The following AUTS2 variants were observed in gnomAD, a reference collection of about 807,000 sequenced individuals.
AUTS2 encodes activator of transcription and developmental regulator AUTS2, also known as autism susceptibility gene 2 protein.
In AUTS2, 17 loss-of-function variants were observed where a neutral mutation model predicts 112.4. The observed-to-expected ratio is 0.15, with a 90% confidence interval of 0.10 to 0.23. The LOEUF is 0.23. Ranked by LOEUF, AUTS2 falls within the 10% of genes least tolerant of loss-of-function variation. The pLI is 1.00. For synonymous variants in AUTS2, 751 were observed against 702.7 expected (o/e 1.07, Z -1.09); for missense variants, 1,510 against 1,701.6 (o/e 0.89, Z 1.98).
At chr7:70,781,546 A>G in intron 14 of AUTS2, 69 bp from the exon 15 acceptor site, 1 of 1,565,402 alleles carries the variant, frequency 6.4e-7, no homozygotes, top group Non-Finnish European at 8.7e-7. Context: ...CTCCAGCTCC[A>G]GCTCTTCACT....
intron 2 of AUTS2, among the ~76,000 whole-genome samples, chr7:69,986,122 A>G (rs1798505754): frequency 6.6e-6 from 1 of 152,074 alleles, no homozygotes; most frequent in Non-Finnish European, 1.5e-5. Flanking sequence ...ACCACTTATA[A>G]ACATCTGAAA....
At chr7:69,794,663 G>T (rs1464645919) in intron 1 of AUTS2, among the ~76,000 whole-genome samples, 1 of 151,856 alleles carries the variant, frequency 6.6e-6, no homozygotes, top group African/African-American at 2.4e-5. Flanking sequence ...TTTTTTTAAT[G>T]TCACTATTTT....
intron 5 of AUTS2, among the ~76,000 whole-genome samples, chr7:70,675,710 A>C (rs1366477074): frequency 6.6e-6 from 1 of 152,184 alleles, no homozygotes; most frequent in African/African-American, 2.4e-5. Context: ...TGCATGAGGC[A>C]CTTGGCAGGG....
At chr7:69,908,670 C>G (rs1795241121) in intron 2 of AUTS2, among the ~76,000 whole-genome samples, 2 of 152,204 alleles carry the variant, frequency 1.3e-5, no homozygotes. Context: ...GCTGATGTAG[C>G]AGGTCATTCT....
At chr7:70,284,366 AT>A (rs1788362424) in intron 4 of AUTS2, among the ~76,000 whole-genome samples, 1 of 152,114 alleles carries the variant, frequency 6.6e-6, no homozygotes, top group South Asian at 2.1e-4. Context: ...CCCAGTGATC[AT>A]TTTAGGATCA....
chr7:70,428,578 C>CAATACCT (rs917764616), intron 4 of AUTS2, among the ~76,000 whole-genome samples: 2 of 152,194 alleles, frequency 1.3e-5, no homozygotes, highest in African/African-American at 4.8e-5. Flanking sequence ...TTGTAGTTTA[C>CAATACCT]AAGTTGGGGT....
intron 4 of AUTS2, among the ~76,000 whole-genome samples, chr7:70,319,319 A>G (rs938357777): frequency 1.3e-5 from 2 of 152,158 alleles, no homozygotes; most frequent in African/African-American, 4.8e-5. Context: ...TGCCAAATGT[A>G]TCCACTGAAG....
rs773100260 is a variant in AUTS2, at chr7:70,764,788, C to T, written c.1251C>T (p.Pro417=). 3.6e-6 allele frequency: 3 copies of T among 841,924 alleles called. No homozygotes were observed. Among genetic ancestry groups the T allele is most frequent in the African/African-American group, 1.7e-5 (1 of 59,258 alleles). 52.2% of individuals were successfully genotyped at this position (841,924 alleles called of 1,614,324 possible). A position where few individuals can be genotyped will look rare whatever the true frequency, so the allele number is the denominator to read the frequency against. The part of the protein sequence containing the change: ...SRSSTPAKTQ[P]APPHISHHPS... The stretch of plus-strand genomic sequence containing the variant: ...GCAGCACTCCAGCGAAGACTCAGCC[C>T]GCCCCACCTCACATCTCCCACCACC... Residue 417 remains proline, a synonymous_variant, in exon 8 of 19, where the codon CCC becomes CCT. Coordinates refer to ENST00000342771, the MANE Select transcript of AUTS2 (RefSeq NM_015570.4).
intron 1 of AUTS2, among the ~76,000 whole-genome samples, chr7:69,630,694 C>G (rs1352246775): frequency 6.6e-6 from 1 of 152,142 alleles, no homozygotes; most frequent in African/African-American, 2.4e-5. Flanking sequence ...AGGATAAAAA[C>G]TTTAAAGTTT....
intron 2 of AUTS2, among the ~76,000 whole-genome samples, chr7:70,024,082 C>A (rs537796366): frequency 6.6e-6 from 1 of 152,310 alleles, no homozygotes; most frequent in South Asian, 2.1e-4. Context: ...ACAAGGGTGT[C>A]ATAGAAACAG....
chr7:69,601,749 A>G (rs1792419222), intron 1 of AUTS2, among the ~76,000 whole-genome samples: 1 of 152,134 alleles, frequency 6.6e-6, no homozygotes. Context: ...AAGTTTGCCA[A>G]GGTGGGTGGT....
chr7:69,824,130 A>T (rs1309661494), intron 1 of AUTS2, among the ~76,000 whole-genome samples: 1 of 151,938 alleles, frequency 6.6e-6, no homozygotes, highest in Non-Finnish European at 1.5e-5. Flanking sequence ...TAAGTGTGAT[A>T]CGGCTGGGCA....
chr7:70,511,104 C>T (rs144192221), intron 5 of AUTS2, among the ~76,000 whole-genome samples: 185 of 152,278 alleles, frequency 1.2e-3, no homozygotes, highest in African/African-American at 4.4e-3. Flanking sequence ...CCGCCTCAGC[C>T]TCCCAAAGTG....
At chr7:70,025,278 C>G (rs1800462274) in intron 2 of AUTS2, among the ~76,000 whole-genome samples, 1 of 152,004 alleles carries the variant, frequency 6.6e-6, no homozygotes, top group African/African-American at 2.4e-5. Context: ...GAGCTGCTAG[C>G]TTTTATTTAG....
chr7:70,499,267 G>A (rs1300785652), intron 5 of AUTS2, among the ~76,000 whole-genome samples: 1 of 152,220 alleles, frequency 6.6e-6, no homozygotes. Context: ...GAAGGGATAG[G>A]TGGAAAGGCA....
chr7:70,387,875 G>C (rs1349750664), intron 4 of AUTS2, among the ~76,000 whole-genome samples: 1 of 152,168 alleles, frequency 6.6e-6, no homozygotes, highest in Non-Finnish European at 1.5e-5. Flanking sequence ...GTTACGGCCA[G>C]ATAGCAGTCC....
intron 2 of AUTS2, among the ~76,000 whole-genome samples, chr7:69,991,851 A>G (rs763558603): frequency 6.6e-6 from 1 of 152,214 alleles, no homozygotes; most frequent in Non-Finnish European, 1.5e-5. Context: ...TTGTCTTGAT[A>G]TCGGAATACT....
At chr7:70,154,364 G>A (rs573535625) in intron 4 of AUTS2, among the ~76,000 whole-genome samples, 1 of 152,116 alleles carries the variant, frequency 6.6e-6, no homozygotes, top group African/African-American at 2.4e-5. Flanking sequence ...TTCAGTGAGG[G>A]GTTGACCAGA....
intron 6 of AUTS2, among the ~76,000 whole-genome samples, chr7:70,731,814 C>G (rs997245181): frequency 6.6e-6 from 1 of 152,134 alleles, no homozygotes; most frequent in South Asian, 2.1e-4. Flanking sequence ...CGCCATCCCC[C>G]CCGCACAAAT....
Sources: gnomAD v4.1 joint callset for allele counts (sites outside exome capture counted in the v4.1 genomes callset) on GRCh38, gnomAD v4.1.1 for gene constraint, MANE v1.5 for transcripts, NCBI Gene and HGNC (gene_info 2026-07-23, HGNC 2026-07-21) for gene names.